The following NIBAN1 variants were observed in gnomAD, a reference collection of about 807,000 sequenced individuals.
NIBAN1 encodes the protein niban apoptosis regulator 1, also known as protein Niban 1.
NIBAN1 carries 81 observed loss-of-function variants against 75.1 expected under a neutral mutation model. The ratio of observed to expected loss-of-function variants is 1.08; its 90% CI spans 0.90 to 1.30. The LOEUF is 1.30. Ranked by LOEUF, NIBAN1 falls within the 50% of genes most tolerant of loss-of-function variation. The pLI is 0.00. For missense variants in NIBAN1, 1,133 were observed against 1,128.1 expected (o/e 1.00, Z -0.06); for synonymous variants, 436 against 424.8 (o/e 1.03, Z -0.32).
rs142645857 is a variant in NIBAN1, at chr1:184,826,495, T to C, written c.718-2753A>G. Among the ~76,000 whole-genome samples, 866 of 152,284 alleles carry C rather than the reference T, an allele frequency of 5.7e-3. 6 individuals carry two copies. Among genetic ancestry groups the C allele is most frequent in the Non-Finnish European group, 7.2e-3 (489 of 68,024 alleles). On this transcript the variant is annotated intron_variant, in intron 6 of 13. Coordinates refer to ENST00000367511, the MANE Select transcript of NIBAN1 (RefSeq NM_052966.4). ...CACCCTGCTCAATGGGATAAGTTCTTGTTTGGAACACATCTGCCGAAAGTG... is the reference window on the plus strand; with the variant it reads ...CACCCTGCTCAATGGGATAAGTTCTCGTTTGGAACACATCTGCCGAAAGTG...
chr1:184,879,521 T>C (rs1358455887), intron 5 of NIBAN1, among the ~76,000 whole-genome samples: 1 of 152,000 alleles, frequency 6.6e-6, no homozygotes, highest in East Asian at 1.9e-4. Flanking sequence ...GCTTCGTAGG[T>C]GACCAGGAAG....
chr1:184,819,038 C>T (rs888438519), intron 8 of NIBAN1, among the ~76,000 whole-genome samples: 13 of 152,100 alleles, frequency 8.5e-5, no homozygotes, highest in Admixed American at 2.6e-4. Context: ...CAAACCTATC[C>T]ACTCCCCAAG....
chr1:184,872,712 TAAA>T (rs34664253), intron 5 of NIBAN1, among the ~76,000 whole-genome samples: 16 of 139,726 alleles, frequency 1.1e-4, no homozygotes, highest in Non-Finnish European at 2.5e-4. Context: ...TGTATCAAAT[TAAA>T]AAAAAAAAAA....
At chr1:184,877,796 AAAAC>A (rs1485918810) in intron 5 of NIBAN1, among the ~76,000 whole-genome samples, 8 of 152,230 alleles carry the variant, frequency 5.3e-5, no homozygotes, top group African/African-American at 1.4e-4. Context: ...TAAAAGAAGA[AAAAC>A]AAACCCAAAA....
chr1:184,845,116 T>C (rs1414830987), intron 5 of NIBAN1, among the ~76,000 whole-genome samples: 1 of 152,204 alleles, frequency 6.6e-6, no homozygotes, highest in Non-Finnish European at 1.5e-5. Context: ...TGCTTTAAGC[T>C]AAAAGACACT....
Position 184,958,614 on chromosome 1 carries a change from C to G in NIBAN1, c.55+15688G>C, listed in dbSNP as rs971785672. On this transcript the variant is annotated intron_variant, in intron 1 of 13. Coordinates refer to ENST00000367511, the MANE Select transcript of NIBAN1 (RefSeq NM_052966.4). ...CATTTGATACCCTGTTACCTTTCGT[C>G]TAAGATATTTACTTGCCTGGCACAT... 3.3e-5 allele frequency among the ~76,000 whole-genome samples: 5 copies of G among 152,120 alleles called. No individual in the cohort carries two copies. The East Asian group carries it at 7.7e-4, about 23-fold the overall frequency.
chr1:184,835,769 T>A (rs1655125442), intron 5 of NIBAN1, among the ~76,000 whole-genome samples: 1 of 152,224 alleles, frequency 6.6e-6, no homozygotes, highest in Admixed American at 6.5e-5. Flanking sequence ...TTTCTAAATA[T>A]ACAATCATGT....
chr1:184,838,029 C>A (rs1325088306), intron 5 of NIBAN1, among the ~76,000 whole-genome samples: 2 of 152,142 alleles, frequency 1.3e-5, no homozygotes, highest in Non-Finnish European at 2.9e-5. Context: ...CCGACTGGTG[C>A]AAATTATACC....
chr1:184,911,539 A>C (rs1307461334), intron 1 of NIBAN1, among the ~76,000 whole-genome samples: 2 of 152,194 alleles, frequency 1.3e-5, no homozygotes, highest in Non-Finnish European at 2.9e-5. Flanking sequence ...CACTGTCTCA[A>C]TTAAAGCTGC....
At position 184,960,960 on chromosome 1, in the gene NIBAN1, C is replaced by T. The variant is rs540557184; in HGVS notation, c.55+13342G>A. 3.3e-5 allele frequency among the ~76,000 whole-genome samples: 5 copies of T among 151,644 alleles called. No homozygotes were observed. The South Asian group carries it at 1.0e-3, about 32-fold the overall frequency. On this transcript the variant is annotated intron_variant, in intron 1 of 13. Coordinates refer to ENST00000367511, the MANE Select transcript of NIBAN1 (RefSeq NM_052966.4). ...ACAAAATATTAATAGGCATCCCCTC[C>T]CATCAAACCTCCCTCTTGCTCACTA...
intron 6 of NIBAN1, among the ~76,000 whole-genome samples, chr1:184,825,038 C>T (rs1043873926): frequency 6.6e-6 from 1 of 152,164 alleles, no homozygotes; most frequent in African/African-American, 2.4e-5. Flanking sequence ...GGACCTGACA[C>T]CTAAAATTAA....
intron 6 of NIBAN1, 126 bp from the exon 7 acceptor site, chr1:184,823,868 T>C (rs952749626): frequency 1.5e-6 from 1 of 673,202 alleles, no homozygotes; most frequent in Non-Finnish European, 2.6e-6. Context: ...AGTAGGTTAA[T>C]AGTTTAACCT....
intron 1 of NIBAN1, among the ~76,000 whole-genome samples, chr1:184,952,392 C>T (rs1231367931): frequency 6.6e-6 from 1 of 152,174 alleles, no homozygotes; most frequent in Admixed American, 6.5e-5. Flanking sequence ...CAGAGCAAGA[C>T]CCTGTCTCAA....
At chr1:184,900,856 T>C (rs1656936133) in intron 1 of NIBAN1, among the ~76,000 whole-genome samples, 2 of 152,390 alleles carry the variant, frequency 1.3e-5, no homozygotes, top group South Asian at 4.1e-4. Context: ...AAACTTGCTG[T>C]AATATTCCAA....
intron 1 of NIBAN1, among the ~76,000 whole-genome samples, chr1:184,926,293 A>C (rs1358617746): frequency 2.0e-5 from 3 of 152,198 alleles, no homozygotes; most frequent in Non-Finnish European, 2.9e-5. Flanking sequence ...GCTGGAGTGC[A>C]GTGGTGCAAT....
chr1:184,884,906 G>A, intron 4 of NIBAN1, 106 bp from the exon 5 acceptor site: 2 of 1,330,766 alleles, frequency 1.5e-6, no homozygotes, highest in Middle Eastern at 2.2e-4. Context: ...CCATGGGATG[G>A]AAAGTTGGTG....
chr1:184,798,373 A>G (rs1653935906), intron 12 of NIBAN1, among the ~76,000 whole-genome samples, 183 bp from the exon 13 acceptor site: 1 of 152,184 alleles, frequency 6.6e-6, no homozygotes, highest in Non-Finnish European at 1.5e-5. Flanking sequence ...CTTCAATTCA[A>G]TTCACTGTCT....
intron 5 of NIBAN1, among the ~76,000 whole-genome samples, chr1:184,874,412 A>C (rs1007568262): frequency 1.3e-5 from 2 of 152,072 alleles, no homozygotes; most frequent in Non-Finnish European, 2.9e-5. Flanking sequence ...AGTGATAAAC[A>C]TCTCTTAAAT....
At chr1:184,919,919 G>A (rs538286935) in intron 1 of NIBAN1, among the ~76,000 whole-genome samples, 1 of 151,796 alleles carries the variant, frequency 6.6e-6, no homozygotes, top group Non-Finnish European at 1.5e-5. Flanking sequence ...TTCAGGGGCT[G>A]GGGGAGGGGG....
Sources: allele counts gnomAD v4.1 joint callset (sites outside exome capture counted in the v4.1 genomes callset), GRCh38; gene constraint gnomAD v4.1.1; transcripts MANE v1.5; gene names NCBI Gene and HGNC (gene_info 2026-07-23, HGNC 2026-07-21).